The following NSMCE2 variants were observed in gnomAD, a reference collection of about 807,000 sequenced individuals.
NSMCE2 encodes E3 SUMO-protein ligase NSE2.
NSMCE2 carries 24 observed loss-of-function variants against 23.8 expected under a neutral mutation model. That is an observed-to-expected ratio of 1.01 (90% CI 0.73 to 1.42). NSMCE2 has a LOEUF of 1.42. Among genes scored for constraint, NSMCE2 ranks in the 40% most tolerant of loss-of-function variants. The probability of loss-of-function intolerance (pLI) is 0.00; values close to 1 mark genes in which losing one functional copy is unlikely to be tolerated. For missense variants in NSMCE2, 284 were observed against 296.5 expected, an observed-to-expected ratio of 0.96 and a Z score of 0.31; for synonymous variants, 92 against 94.1, an observed-to-expected ratio of 0.98 and a Z score of 0.13.
Position 125,322,765 on chromosome 8 carries a change from A to C in NSMCE2, c.419-34454A>C, listed in dbSNP as rs180767228. On this transcript the variant is annotated intron_variant, in intron 5 of 7. Coordinates refer to ENST00000287437, the MANE Select transcript of NSMCE2 (RefSeq NM_173685.4). Reference sequence around the variant, plus strand: ...ATACGTGAGTTTAGCAAATTTGAAGAATATAAGACTAATTAAAAATAATTA... The same window carrying C: ...ATACGTGAGTTTAGCAAATTTGAAGCATATAAGACTAATTAAAAATAATTA... 5.6e-3 allele frequency among the ~76,000 whole-genome samples: 853 copies of C among 152,394 alleles called. 2 individuals carry two copies. Among genetic ancestry groups the C allele is most frequent in the Non-Finnish European group, 8.2e-3 (558 of 68,040 alleles).
At chr8:125,359,719 A>C (rs947201292) in intron 7 of NSMCE2, among the ~76,000 whole-genome samples, 6 of 152,222 alleles carry the variant, frequency 3.9e-5, no homozygotes, top group African/African-American at 1.4e-4. Flanking sequence ...TTTAAATAAG[A>C]TACATGCAAA....
chr8:125,344,646 G>A (rs1474850827), intron 5 of NSMCE2, among the ~76,000 whole-genome samples: 1 of 151,790 alleles, frequency 6.6e-6, no homozygotes, highest in Admixed American at 6.6e-5. Flanking sequence ...GGGAGGCTGG[G>A]GCAGGAGAGT....
chr8:125,275,025 TAA>T (rs1827392575), intron 5 of NSMCE2, among the ~76,000 whole-genome samples: 3 of 144,376 alleles, frequency 2.1e-5, no homozygotes, highest in Admixed American at 2.1e-4. Flanking sequence ...ATAATAATAA[TAA>T]TAATAATAAA....
rs527800094 is a variant in NSMCE2 at position 125,159,736 on chromosome 8, G to A, written c.264+8459G>A. Among the ~76,000 whole-genome samples the A allele has an allele frequency of 6.6e-4, 101 of 152,242 alleles. No individual in the cohort carries two copies. The Middle Eastern group carries it at 0.01, about 15-fold the overall frequency. On this transcript the variant is annotated intron_variant, in intron 4 of 7. Coordinates refer to ENST00000287437, the MANE Select transcript of NSMCE2 (RefSeq NM_173685.4). ...TTAGTCTCAAATTGCTCAGTTGGTG[G>A]ATCACTTGCGGTCAGGAGTTCGAGA...
chr8:125,153,111 G>T (rs1821130614), intron 4 of NSMCE2, among the ~76,000 whole-genome samples: 1 of 139,448 alleles, frequency 7.2e-6, no homozygotes, highest in Admixed American at 7.0e-5. Flanking sequence ...TCAGGACATT[G>T]AGTCACTCAT....
At chr8:125,203,169 A>T (rs1823958974) in intron 5 of NSMCE2, among the ~76,000 whole-genome samples, 1 of 151,570 alleles carries the variant, frequency 6.6e-6, no homozygotes, top group Non-Finnish European at 1.5e-5. Context: ...TTGCTGTTTG[A>T]GCTCAGTTGT....
chr8:125,146,903 A>C (rs1820710605), intron 3 of NSMCE2, among the ~76,000 whole-genome samples: 1 of 152,098 alleles, frequency 6.6e-6, no homozygotes, highest in Non-Finnish European at 1.5e-5. Context: ...TAAAAAAAAC[A>C]AAACAAAAAA....
At chr8:125,134,715 C>T (rs35140299) in intron 3 of NSMCE2, among the ~76,000 whole-genome samples, 10,228 of 143,338 alleles carry the variant, frequency 0.071, 447 homozygotes, top group South Asian at 0.16. Flanking sequence ...TTGTTTTTAA[C>T]GGATTCCTTT....
At chr8:125,168,495 G>A (rs904843087) in intron 4 of NSMCE2, among the ~76,000 whole-genome samples, 10 of 152,196 alleles carry the variant, frequency 6.6e-5, no homozygotes, top group African/African-American at 2.4e-4. Context: ...TCACAGTTCT[G>A]GAGTCTGGGA....
chr8:125,124,890 G>A (rs1034877429), intron 3 of NSMCE2, among the ~76,000 whole-genome samples: 2 of 151,912 alleles, frequency 1.3e-5, no homozygotes, highest in Non-Finnish European at 2.9e-5. Context: ...CACCTCCTGG[G>A]TTCAAGCAAT....
intron 5 of NSMCE2, among the ~76,000 whole-genome samples, chr8:125,236,244 C>T (rs1282628979): frequency 6.6e-6 from 1 of 151,980 alleles, no homozygotes; most frequent in African/African-American, 2.4e-5. Context: ...TAGTTATAGA[C>T]CTGGTGGTAG....
At chr8:125,141,929 GA>G (rs1820391572) in intron 3 of NSMCE2, among the ~76,000 whole-genome samples, 1 of 152,114 alleles carries the variant, frequency 6.6e-6, no homozygotes. Context: ...ATGAGTTTCT[GA>G]ACTTGGGGGA....
At chr8:125,314,474 TAG>T (rs1829097365) in intron 5 of NSMCE2, among the ~76,000 whole-genome samples, 1 of 152,200 alleles carries the variant, frequency 6.6e-6, no homozygotes, top group African/African-American at 2.4e-5. Flanking sequence ...GTATTTTTAG[TAG>T]AGACGGGGTT....
At chr8:125,177,043 C>G (rs1184036440) in intron 4 of NSMCE2, among the ~76,000 whole-genome samples, 1 of 152,240 alleles carries the variant, frequency 6.6e-6, no homozygotes, top group Non-Finnish European at 1.5e-5. Flanking sequence ...ATGGTTTTCT[C>G]AAATGAAATT....
chr8:125,324,721 C>T (rs1829592117), intron 5 of NSMCE2, among the ~76,000 whole-genome samples: 1 of 104,996 alleles, frequency 9.5e-6, no homozygotes, highest in African/African-American at 2.7e-5. Flanking sequence ...ACTACAGGCG[C>T]CCGCCACTAC....
At position 125,197,019 on chromosome 8, in the gene NSMCE2, G is replaced by A. The variant is rs201509313; in HGVS notation, c.418+14763G>A. Among the ~76,000 whole-genome samples, 3 of 152,118 alleles carry A rather than the reference G, an allele frequency of 2.0e-5. No individual in the cohort carries two copies. In the East Asian group the frequency reaches 5.8e-4, roughly 29 times the overall value. On this transcript the variant is annotated intron_variant, in intron 5 of 7. Coordinates refer to ENST00000287437, the MANE Select transcript of NSMCE2 (RefSeq NM_173685.4). Reference sequence around the variant, plus strand: ...GTCTTCTTTTGGGAAGTGTCTGTTCGTATCCTTTGCCCACTTTTTAATGGG... The same window carrying A: ...GTCTTCTTTTGGGAAGTGTCTGTTCATATCCTTTGCCCACTTTTTAATGGG...
chr8:125,303,260 A>G (rs1828632320), intron 5 of NSMCE2, among the ~76,000 whole-genome samples: 1 of 152,176 alleles, frequency 6.6e-6, no homozygotes, highest in Non-Finnish European at 1.5e-5. Flanking sequence ...AGTCTGCAAG[A>G]TGTTGTTCTC....
chr8:125,322,173 C>A (rs1215847275), intron 5 of NSMCE2, among the ~76,000 whole-genome samples: 1 of 151,932 alleles, frequency 6.6e-6, no homozygotes, highest in Non-Finnish European at 1.5e-5. Context: ...TTGAGACCAA[C>A]CTGGGCAACA....
intron 4 of NSMCE2, among the ~76,000 whole-genome samples, chr8:125,162,795 G>A (rs1031663190): frequency 6.6e-6 from 1 of 152,106 alleles, no homozygotes; most frequent in African/African-American, 2.4e-5. Flanking sequence ...AATAAATGGC[G>A]ATAAACTTTC....
Sources: gnomAD v4.1 joint callset for allele counts (sites outside exome capture counted in the v4.1 genomes callset) on GRCh38, gnomAD v4.1.1 for gene constraint, MANE v1.5 for transcripts, NCBI Gene and HGNC (gene_info 2026-07-23, HGNC 2026-07-21) for gene names.